ADAMTS3: variants seen among roughly 807,000 people sequenced by gnomAD.
ADAMTS3 encodes the protein ADAM metallopeptidase with thrombospondin type 1 motif 3, also known as A disintegrin and metalloproteinase with thrombospondin motifs 3.
ADAMTS3 carries 73 observed loss-of-function variants against 129.0 expected under a neutral mutation model. That is an observed-to-expected ratio of 0.57 (90% CI 0.47 to 0.69). The LOEUF (loss-of-function observed/expected upper bound fraction) is 0.69, where lower values mean the gene tolerates loss of function less well. ADAMTS3 is among the 30% of genes least tolerant of loss of function. The pLI is 0.00. For missense variants in ADAMTS3, 1,457 were observed against 1,514.5 expected, an observed-to-expected ratio of 0.96 and a Z score of 0.63; for synonymous variants, 477 against 510.8, an observed-to-expected ratio of 0.93 and a Z score of 0.89.
rs58586015 is a variant in ADAMTS3, at chr4:72,342,359, CTTT to C, written c.662-2669_662-2667del. ...ACAAGATTGGAAATTTCCCCAATTA[CTTT>C]TTTTTTTTTTTTTTTTTTTAAGACA... On this transcript the variant is annotated intron_variant, in intron 4 of 21. Transcript: ENST00000286657. 2.4e-3 allele frequency among the ~76,000 whole-genome samples: 311 copies of C among 127,226 alleles called. 1 individual carries two copies. The highest frequency in any genetic ancestry group is 3.8e-3 in the East Asian group (16 of 4,226). The allele number at this position is 127,226 out of a possible 152,430, so 83.5% of individuals were successfully genotyped here. A position where few individuals can be genotyped will look rare whatever the true frequency, so the allele number is the denominator to read the frequency against.
chr4:72,422,549 A>C (rs922018897), intron 3 of ADAMTS3, among the ~76,000 whole-genome samples: 2 of 152,086 alleles, frequency 1.3e-5, no homozygotes, highest in Non-Finnish European at 2.9e-5. Flanking sequence ...GATATTTATA[A>C]AACAATGATG....
At chr4:72,517,445 G>A (rs1206144580) in intron 3 of ADAMTS3, among the ~76,000 whole-genome samples, 1 of 152,100 alleles carries the variant, frequency 6.6e-6, no homozygotes, top group Admixed American at 6.5e-5. Context: ...GGTAGAATTC[G>A]GCTGTGAATC....
At chr4:72,538,051 T>C (rs1469925887) in intron 3 of ADAMTS3, among the ~76,000 whole-genome samples, 1 of 152,122 alleles carries the variant, frequency 6.6e-6, no homozygotes, top group Non-Finnish European at 1.5e-5. Flanking sequence ...GCAGAAAAAT[T>C]AGTAAACTTG....
At position 72,569,207 on chromosome 4, in the gene ADAMTS3, G is replaced by C. The variant is rs1426244157; in HGVS notation, c.-445C>G. 6.1e-6 allele frequency: 1 copy of C among 162,758 alleles called. No individual in the cohort carries two copies. The highest frequency in any genetic ancestry group is 6.3e-5 in the Admixed American group (1 of 15,894). 10.1% of individuals were successfully genotyped at this position (162,758 alleles called of 1,614,324 possible). On this transcript the variant is annotated 5_prime_UTR_variant, in exon 1 of 22. Transcript: ENST00000286657. ...ATTAGCGAGAGAGACGAGCGAGCGG[G>C]AGCGGGAGAAAGAGGCAGGGAGAGG...
At chr4:72,542,428 T>C (rs1266447139) in intron 3 of ADAMTS3, among the ~76,000 whole-genome samples, 1 of 152,166 alleles carries the variant, frequency 6.6e-6, no homozygotes, top group East Asian at 1.9e-4. Flanking sequence ...CCTCCCAAAG[T>C]GCTGGGATTA....
intron 18 of ADAMTS3, 112 bp downstream of exon 18, chr4:72,298,165 T>C: frequency 3.9e-6 from 3 of 764,108 alleles, no homozygotes; most frequent in Middle Eastern, 2.5e-4. Context: ...TTGATGGTTA[T>C]GTTTGGTGTT....
In ADAMTS3 at chr4:72,347,280, C is replaced by CTTTTT. The variant is rs78118915; in HGVS notation, c.662-7592_662-7588dup. On this transcript the variant is annotated intron_variant, in intron 4 of 21. Coordinates refer to ENST00000286657, the MANE Select transcript of ADAMTS3 (RefSeq NM_014243.3). Reference sequence around the variant, plus strand: ...ACCACCTCATTTTCTTATTTTACTGCTTTTTTTTTTTTTTTCCATTTGCTA... The same window carrying CTTTTT: ...ACCACCTCATTTTCTTATTTTACTGCTTTTTTTTTTTTTTTTTTTTCCATTTGCTA... Among the ~76,000 whole-genome samples, 51 of 140,146 alleles carry CTTTTT rather than the reference C, an allele frequency of 3.6e-4. 1 individual carries two copies. The highest frequency in any genetic ancestry group is 1.1e-3 in the African/African-American group (43 of 38,628). The allele number at this position is 140,146 out of a possible 152,430, so 91.9% of individuals were successfully genotyped here. A position where few individuals can be genotyped will look rare whatever the true frequency, so the allele number is the denominator to read the frequency against.
At chr4:72,426,822 A>T (rs1014788424) in intron 3 of ADAMTS3, among the ~76,000 whole-genome samples, 1 of 152,066 alleles carries the variant, frequency 6.6e-6, no homozygotes, top group African/African-American at 2.4e-5. Flanking sequence ...TGAACCCTGG[A>T]GGTCAAGACT....
intron 3 of ADAMTS3, among the ~76,000 whole-genome samples, chr4:72,541,265 G>A (rs571485734): frequency 6.6e-6 from 1 of 152,162 alleles, no homozygotes; most frequent in Non-Finnish European, 1.5e-5. Context: ...ACTTGCATGG[G>A]CCCTGTAGCC....
chr4:72,320,114 T>C, intron 7 of ADAMTS3, 151 bp from the exon 8 acceptor site: 2 of 653,016 alleles, frequency 3.1e-6, no homozygotes, highest in East Asian at 2.8e-5. Flanking sequence ...CACATTCTCT[T>C]GGGAAAGCCA....
intron 4 of ADAMTS3, among the ~76,000 whole-genome samples, chr4:72,367,921 G>A (rs1578619895): frequency 6.7e-6 from 1 of 150,122 alleles, no homozygotes; most frequent in Non-Finnish European, 1.5e-5. Context: ...CAGGGTGATT[G>A]TTACTCACAT....
intron 3 of ADAMTS3, among the ~76,000 whole-genome samples, chr4:72,518,138 TG>T (rs1158571565): frequency 2.6e-5 from 4 of 152,318 alleles, no homozygotes; most frequent in Non-Finnish European, 4.4e-5. Context: ...TCCATGTAGT[TG>T]AGCGGTTTTG....
intron 3 of ADAMTS3, among the ~76,000 whole-genome samples, chr4:72,482,957 T>A (rs1253464078): frequency 6.6e-6 from 1 of 152,142 alleles, no homozygotes; most frequent in Non-Finnish European, 1.5e-5. Context: ...TTAACATCTA[T>A]AAAAGAGAAT....
intron 3 of ADAMTS3, among the ~76,000 whole-genome samples, chr4:72,421,178 C>T (rs934113015): frequency 6.6e-6 from 1 of 152,224 alleles, no homozygotes; most frequent in Admixed American, 6.5e-5. Context: ...TTTCTGGCTT[C>T]TAACACTTTA....
chr4:72,392,545 T>C (rs1721623584), intron 4 of ADAMTS3, among the ~76,000 whole-genome samples: 1 of 152,222 alleles, frequency 6.6e-6, no homozygotes, highest in African/African-American at 2.4e-5. Context: ...TACCTGACCC[T>C]AAATTGCACT....
At chr4:72,488,821 C>G (rs1719657520) in intron 3 of ADAMTS3, among the ~76,000 whole-genome samples, 1 of 151,776 alleles carries the variant, frequency 6.6e-6, no homozygotes, top group African/African-American at 2.4e-5. Flanking sequence ...ACCCTCTTAG[C>G]AAATTTCAAG....
At chr4:72,434,217 T>C (rs1435583466) in intron 3 of ADAMTS3, among the ~76,000 whole-genome samples, 2 of 151,698 alleles carry the variant, frequency 1.3e-5, no homozygotes. Context: ...GGTCCAAATA[T>C]ATGGTACCAT....
intron 3 of ADAMTS3, among the ~76,000 whole-genome samples, chr4:72,469,538 C>T (rs1335792481): frequency 6.6e-6 from 1 of 152,116 alleles, no homozygotes; most frequent in Non-Finnish European, 1.5e-5. Flanking sequence ...GTCCTTTCCC[C>T]TTATTGCTAT....
At chr4:72,337,704 T>C (rs1188359608) in intron 5 of ADAMTS3, among the ~76,000 whole-genome samples, 1 of 152,166 alleles carries the variant, frequency 6.6e-6, no homozygotes, top group African/African-American at 2.4e-5. Context: ...ATAACTATGG[T>C]CACATCTCCA....
Sources: gnomAD v4.1 joint callset for allele counts (sites outside exome capture counted in the v4.1 genomes callset) on GRCh38, gnomAD v4.1.1 for gene constraint, MANE v1.5 for transcripts, NCBI Gene and HGNC (gene_info 2026-07-23, HGNC 2026-07-21) for gene names.